UNC79: variants seen among roughly 807,000 people sequenced by gnomAD.
UNC79 encodes unc-79 subunit of NALCN channel complex.
UNC79 carries 37 observed loss-of-function variants against 283.1 expected under a neutral mutation model. The observed-to-expected ratio is 0.13, with a 90% CI of 0.10 to 0.17. UNC79 has a LOEUF of 0.17. Ranked by LOEUF, UNC79 falls within the 10% of genes least tolerant of loss-of-function variation. The probability of loss-of-function intolerance (pLI) is 1.00; values close to 1 mark genes in which losing one functional copy is unlikely to be tolerated. For synonymous variants in UNC79, 1,107 were observed against 1,200.2 expected (o/e 0.92, Z 1.61); for missense variants, 2,272 against 3,211.1 (o/e 0.71, Z 7.07).
chr14:93,668,440 G>A (rs1296240696), intron 40 of UNC79, among the ~76,000 whole-genome samples: 3 of 152,136 alleles, frequency 2.0e-5, no homozygotes, highest in African/African-American at 4.8e-5. Flanking sequence ...GCTGGGTGTG[G>A]TGGCTCATGC....
At chr14:93,646,431 A>C (rs572497881) in intron 34 of UNC79, among the ~76,000 whole-genome samples, 177 bp from the exon 38 acceptor site, 1 of 152,298 alleles carries the variant, frequency 6.6e-6, no homozygotes, top group South Asian at 2.1e-4. Context: ...GGACTAGGTC[A>C]AGTTTAACTC....
intron 1 of UNC79, among the ~76,000 whole-genome samples, chr14:93,415,385 G>C: frequency 6.6e-6 from 1 of 152,150 alleles, no homozygotes. Context: ...GATCATGGTG[G>C]ATAAGCTTTT....
At chr14:93,649,267 T>G (rs1409303422) in intron 35 of UNC79, among the ~76,000 whole-genome samples, 2 of 152,236 alleles carry the variant, frequency 1.3e-5, no homozygotes, top group African/African-American at 4.8e-5. Flanking sequence ...CTTTTCTTTC[T>G]TATGTTCTAT....
chr14:93,478,588 C>T (rs1157661725), intron 4 of UNC79, among the ~76,000 whole-genome samples: 2 of 152,096 alleles, frequency 1.3e-5, no homozygotes, highest in Non-Finnish European at 2.9e-5. Context: ...CTTTCTGTTT[C>T]TTTCTTATAA....
intron 20 of UNC79, among the ~76,000 whole-genome samples, chr14:93,583,925 C>T (rs2064018354): frequency 6.6e-6 from 1 of 151,996 alleles, no homozygotes; most frequent in Admixed American, 6.6e-5. Flanking sequence ...CCCACCTCAG[C>T]CTCCAGAGTA....
At chr14:93,455,707 T>A (rs1188283680) in intron 1 of UNC79, among the ~76,000 whole-genome samples, 1 of 152,204 alleles carries the variant, frequency 6.6e-6, no homozygotes, top group South Asian at 2.1e-4. Flanking sequence ...GTAGTTTATA[T>A]ATGCAATATT....
rs2060878973 is a variant in UNC79 at position 93,532,584 on chromosome 14, A to G, written c.1122+6A>G. 2 of 1,611,078 alleles carry G rather than the reference A, an allele frequency of 1.2e-6. No homozygotes were observed. The highest frequency in any genetic ancestry group is 8.5e-7 in the Non-Finnish European group (1 of 1,178,368). On this transcript the variant is annotated splice_donor_region_variant and intron_variant, in intron 11 of 48. Transcript: ENST00000555664. ...CTGCTATATGTCAGAAAAAGGTAAG[A>G]GCAAACCATTTGTGTCGTTGGGGCA... is the stretch of plus-strand genomic sequence containing the variant.
rs747899693 is a variant in UNC79 at position 93,537,957 on chromosome 14, A to G, written c.1123-32A>G. 5 of 1,582,022 alleles carry G rather than the reference A, an allele frequency of 3.2e-6. No individual in the cohort carries two copies. The African/African-American group carries it at 6.8e-5, about 22-fold the overall frequency. ...TTAGCCAAGTTTACCTCGGTGGTCA[A>G]TTTTAATTGATTTCACTTTCTTGGC... is the stretch of plus-strand genomic sequence containing the variant. On this transcript the variant is annotated intron_variant, in intron 11 of 48. Transcript: ENST00000555664.
intron 14 of UNC79, among the ~76,000 whole-genome samples, chr14:93,566,810 T>G (rs6575342): frequency 1 from 151,735 of 152,008 alleles, 75,733 homozygotes; most frequent in Middle Eastern, 1. Context: ...GTAGAGATGG[T>G]ATTTCACCAT....
chr14:93,579,155 G>A (rs988667819), intron 18 of UNC79, among the ~76,000 whole-genome samples: 4 of 152,096 alleles, frequency 2.6e-5, no homozygotes, highest in African/African-American at 9.7e-5. Flanking sequence ...GTGATGTTAT[G>A]TCCTTTGTAA....
intron 1 of UNC79, among the ~76,000 whole-genome samples, chr14:93,367,666 A>C (rs952290888): frequency 3.3e-5 from 5 of 152,192 alleles, no homozygotes; most frequent in Admixed American, 1.3e-4. Context: ...GGTAGGAATA[A>C]ATTTTAAAAG....
At chr14:93,542,514 C>T (rs1216683584) in exon 14 of UNC79, 4 of 1,614,054 alleles carry the variant, frequency 2.5e-6, no homozygotes, top group Non-Finnish European at 3.4e-6. Context: ...AAGCTTGGCC[C>T]GGCTGGTGGC....
intron 1 of UNC79, among the ~76,000 whole-genome samples, chr14:93,404,514 A>AT (rs1491236108): frequency 4.8e-5 from 6 of 124,618 alleles, no homozygotes; most frequent in South Asian, 2.4e-4. Context: ...ATATATATAT[A>AT]AATATATACA....
chr14:93,596,085 G>A (rs905604221), intron 23 of UNC79, among the ~76,000 whole-genome samples: 4 of 152,168 alleles, frequency 2.6e-5, no homozygotes, highest in African/African-American at 9.6e-5. Flanking sequence ...ATATAAGCAT[G>A]TAAGAGGTTG....
chr14:93,509,843 C>T (rs1438569918), intron 7 of UNC79, among the ~76,000 whole-genome samples: 1 of 152,206 alleles, frequency 6.6e-6, no homozygotes, highest in Non-Finnish European at 1.5e-5. Context: ...TGGACCTCTT[C>T]TCACAGCTCC....
chr14:93,452,843 C>T (rs889015871), intron 1 of UNC79, among the ~76,000 whole-genome samples: 1 of 152,158 alleles, frequency 6.6e-6, no homozygotes. Context: ...ATGGGAAACA[C>T]TATAACAATG....
chr14:93,391,342 T>G (rs1212796154), intron 1 of UNC79, among the ~76,000 whole-genome samples: 1 of 152,206 alleles, frequency 6.6e-6, no homozygotes, highest in Non-Finnish European at 1.5e-5. Flanking sequence ...CCACGTGGGT[T>G]GTAGGCATGA....
chr14:93,690,080 CAT>C lies in UNC79; in HGVS notation c.7086-35_7086-34del. The C allele has an allele frequency of 6.2e-7, 1 of 1,603,462 alleles. No individual in the cohort carries two copies. Among genetic ancestry groups the C allele is most frequent in the East Asian group, 2.2e-5 (1 of 44,738 alleles). ...GTTATGCACCCAATGAAACACAAAACATAAAATCATCTTTAACACTCCTTCTT... is the reference window on the plus strand; with the variant it reads ...GTTATGCACCCAATGAAACACAAAACAAAATCATCTTTAACACTCCTTCTT... On this transcript the variant is annotated intron_variant, in intron 44 of 48. Coordinates refer to ENST00000555664, the Ensembl canonical transcript of UNC79. This position sits in a 1 kb window ranked among gnomAD's most constrained non-coding sequence, Gnocchi z 4.3.
chr14:93,340,441 C>CAAAAAAAAA (rs1193751068), intron 1 of UNC79, among the ~76,000 whole-genome samples: 4 of 64,442 alleles, frequency 6.2e-5, no homozygotes, highest in Admixed American at 1.7e-4. Flanking sequence ...AACGCTGTCT[C>CAAAAAAAAA]AAAAAAAAAA....
Sources: allele counts gnomAD v4.1 joint callset (sites outside exome capture counted in the v4.1 genomes callset), GRCh38; gene constraint gnomAD v4.1.1; non-coding constraint Gnocchi (gnomAD v3.1); transcripts MANE v1.5; gene names NCBI Gene and HGNC (gene_info 2026-07-23, HGNC 2026-07-21).